The following KAZN variants were observed in gnomAD, a reference collection of about 807,000 sequenced individuals.
KAZN encodes the protein kazrin, periplakin interacting protein, also known as kazrin.
A neutral mutation model predicts 87.4 loss-of-function variants in KAZN; 40 were observed. The ratio of observed to expected loss-of-function variants is 0.46; its 90% CI spans 0.36 to 0.60. The LOEUF (loss-of-function observed/expected upper bound fraction) is 0.60. Among genes scored for constraint, KAZN ranks in the 20% least tolerant of loss-of-function variants. The pLI is 0.00. For missense variants in KAZN, 898 were observed against 1,073.9 expected, an observed-to-expected ratio of 0.84 and a Z score of 2.29; for synonymous variants, 466 against 458.3, an observed-to-expected ratio of 1.02 and a Z score of -0.22.
intron 2 of KAZN, among the ~76,000 whole-genome samples, chr1:14,590,903 G>A (rs1676154809): frequency 6.6e-6 from 1 of 152,162 alleles, no homozygotes; most frequent in African/African-American, 2.4e-5. Context: ...ACGTGGCAGG[G>A]CTGGACTTAA....
chr1:14,943,008 GTGTGTGTGTGT>G (rs1661287318), intron 1 of KAZN, among the ~76,000 whole-genome samples: 1 of 62,202 alleles, frequency 1.6e-5, no homozygotes, highest in Non-Finnish European at 3.4e-5. Context: ...TGTGTGTGTG[GTGTGTGTGTGT>G]GTGTGTGTGT....
intron 1 of KAZN, among the ~76,000 whole-genome samples, chr1:14,144,974 A>G (rs901504320): frequency 2.6e-5 from 4 of 152,198 alleles, no homozygotes; most frequent in Admixed American, 2.0e-4. Flanking sequence ...AAATTTCCAC[A>G]TGAGGATTGG....
intron 1 of KAZN, among the ~76,000 whole-genome samples, chr1:14,952,381 C>T (rs1209783410): frequency 1.3e-5 from 2 of 151,830 alleles, no homozygotes; most frequent in African/African-American, 2.4e-5. Flanking sequence ...TTCACGGGGG[C>T]CTGCTGGAGA....
At chr1:14,895,834 G>A (rs920958653) in intron 1 of KAZN, among the ~76,000 whole-genome samples, 2 of 152,154 alleles carry the variant, frequency 1.3e-5, no homozygotes, top group African/African-American at 2.4e-5. Context: ...GTATAGTTAG[G>A]TCAGTTCAGG....
intron 2 of KAZN, among the ~76,000 whole-genome samples, chr1:14,311,200 G>A (rs1343466749): frequency 6.6e-6 from 1 of 152,168 alleles, no homozygotes; most frequent in Non-Finnish European, 1.5e-5. Flanking sequence ...AGGGTTAAGA[G>A]CAAGCAAGAT....
Position 15,103,417 on chromosome 1 carries a change from C to G in KAZN, c.1838C>G (p.Thr613Ser). Residue 613 changes from threonine to serine, a missense_variant, in exon 12 of 15, where the codon ACC (threonine) becomes AGC (serine). Physicochemically the swap from Thr to Ser is moderately conservative, Grantham distance 58. Coordinates refer to ENST00000376030, the MANE Select transcript of KAZN (RefSeq NM_201628.3). ...ETQNIDPVVW[T>S]NQRVLKWVRD... Reference sequence around the variant, plus strand: ...CAGAACATTGACCCCGTGGTGTGGACCAACCAGCGGGTGCTCAAGTGGGTT... The same window carrying G: ...CAGAACATTGACCCCGTGGTGTGGAGCAACCAGCGGGTGCTCAAGTGGGTT... 6.4e-7 allele frequency: 1 copy of G among 1,552,212 alleles called. No homozygotes were observed. The highest frequency in any genetic ancestry group is 8.7e-7 in the Non-Finnish European group (1 of 1,147,508).
intron 1 of KAZN, among the ~76,000 whole-genome samples, chr1:13,985,613 G>A (rs1242416964): frequency 3.3e-5 from 5 of 149,804 alleles, no homozygotes; most frequent in Non-Finnish European, 7.4e-5. Flanking sequence ...GCTAGATGAC[G>A]AATTTTAGGA....
chr1:14,993,767 AGAGAGGG>A (rs901064352), intron 2 of KAZN, among the ~76,000 whole-genome samples: 25 of 152,164 alleles, frequency 1.6e-4, no homozygotes, highest in Non-Finnish European at 2.4e-4. Flanking sequence ...GAGTCTTATG[AGAGAGGG>A]GTCACAAGCC....
chr1:14,765,713 T>A (rs1327940383), intron 1 of KAZN, among the ~76,000 whole-genome samples: 1 of 152,036 alleles, frequency 6.6e-6, no homozygotes, highest in Non-Finnish European at 1.5e-5. Flanking sequence ...GCCAGGCTGA[T>A]GGGGAGTCCT....
intron 2 of KAZN, among the ~76,000 whole-genome samples, chr1:14,533,907 T>C (rs1334541822): frequency 6.6e-6 from 1 of 152,172 alleles, no homozygotes; most frequent in Non-Finnish European, 1.5e-5. Context: ...ATCTGAGGGA[T>C]TATTATCCAA....
chr1:14,176,570 T>C (rs1646079792), intron 1 of KAZN, among the ~76,000 whole-genome samples: 1 of 152,162 alleles, frequency 6.6e-6, no homozygotes, highest in African/African-American at 2.4e-5. Context: ...GGCCATATTC[T>C]TTCTAGTCCA....
intron 1 of KAZN, among the ~76,000 whole-genome samples, chr1:14,122,390 T>A (rs1448174603): frequency 6.6e-6 from 1 of 152,168 alleles, no homozygotes; most frequent in Non-Finnish European, 1.5e-5. Flanking sequence ...CACTTTTGGA[T>A]CTCTTTTATC....
chr1:13,899,743 A>G (rs1013213688), intron 1 of KAZN, among the ~76,000 whole-genome samples: 2 of 151,040 alleles, frequency 1.3e-5, no homozygotes, highest in African/African-American at 4.9e-5. Context: ...TCCTGGGTTC[A>G]AGTGATTCTT....
At chr1:13,993,885 G>T (rs1007123042) in intron 1 of KAZN, among the ~76,000 whole-genome samples, 1 of 152,152 alleles carries the variant, frequency 6.6e-6, no homozygotes, top group African/African-American at 2.4e-5. Context: ...TAAAAATGGA[G>T]TCATAGTTTT....
intron 1 of KAZN, among the ~76,000 whole-genome samples, chr1:13,923,801 A>T (rs545259551): frequency 4.7e-4 from 71 of 151,474 alleles, no homozygotes; most frequent in Middle Eastern, 3.5e-3. Flanking sequence ...ATGCTATGTA[A>T]GTGGACCCAT....
chr1:14,862,663 G>A (rs1048500087), intron 1 of KAZN, among the ~76,000 whole-genome samples: 7 of 152,142 alleles, frequency 4.6e-5, no homozygotes, highest in East Asian at 1.9e-4. Flanking sequence ...TTAACAAATG[G>A]TCACCTGGGA....
intron 1 of KAZN, among the ~76,000 whole-genome samples, chr1:14,657,298 G>A (rs1399501310): frequency 1.3e-5 from 2 of 152,096 alleles, no homozygotes; most frequent in Non-Finnish European, 2.9e-5. Flanking sequence ...GGTCAGGCTG[G>A]TCTCGAACTC....
At chr1:14,616,060 G>A (rs1218945315) in intron 1 of KAZN, among the ~76,000 whole-genome samples, 1 of 152,152 alleles carries the variant, frequency 6.6e-6, no homozygotes, top group Non-Finnish European at 1.5e-5. Flanking sequence ...AGAGGGAAGT[G>A]CCCATGTGGG....
chr1:15,027,070 C>CTTTTTTTTTTTTTTTTTTTTTTTTTTT (rs71000358), intron 2 of KAZN, among the ~76,000 whole-genome samples: 2 of 56,116 alleles, frequency 3.6e-5, no homozygotes, highest in Admixed American at 3.2e-4. Context: ...GCCAGTGCTT[C>CTTTTTTTTTTTTTTTTTTTTTTTTTTT]TTTTTTTTTT....
Sources: gnomAD v4.1 joint callset for allele counts (sites outside exome capture counted in the v4.1 genomes callset) on GRCh38, gnomAD v4.1.1 for gene constraint, MANE v1.5 for transcripts, NCBI Gene and HGNC (gene_info 2026-07-23, HGNC 2026-07-21) for gene names.